Variants in RHOT2 observed in about 807,000 individuals in gnomAD.
RHOT2 encodes ras homolog family member T2.
In RHOT2, 90 loss-of-function variants were observed where a neutral mutation model predicts 81.6. The ratio of observed to expected loss-of-function variants is 1.10; its 90% CI spans 0.93 to 1.31. RHOT2 has a LOEUF of 1.31. Among genes scored for constraint, RHOT2 ranks in the 40% most tolerant of loss-of-function variants. RHOT2 has a pLI of 0.00. For synonymous variants in RHOT2, 512 were observed against 370.9 expected, an observed-to-expected ratio of 1.38 and a Z score of -4.37; for missense variants, 1,014 against 841.9, an observed-to-expected ratio of 1.20 and a Z score of -2.53.
rs749829417 is a variant in RHOT2, at chr16:669,561, G to C, written c.231G>C (p.Val77=). ...ELREEIHKAN[V]VCVVYDVSEE... ...CATCACTGTTCCCTCAGGCAAACGT[G>C]GTGTGTGTGGTGTATGACGTCTCTG... Residue 77 remains valine (V), a synonymous_variant, in exon 5 of 19, where the codon GTG becomes GTC. Coordinates refer to ENST00000315082, the MANE Select transcript of RHOT2 (RefSeq NM_138769.3). The C allele has an allele frequency of 1.2e-6, 2 of 1,611,818 alleles. No homozygotes were observed. The highest frequency in any genetic ancestry group is 1.7e-6 in the Non-Finnish European group (2 of 1,179,696).
intron 18 of RHOT2, 104 bp downstream of exon 18, chr16:673,234 A>T: frequency 2.2e-6 from 3 of 1,375,590 alleles, no homozygotes; most frequent in Non-Finnish European, 3.0e-6. Context: ...AGTGTCTGTC[A>T]TCCGAGCAGT....
rs966671665 is a variant in RHOT2 at position 669,438 on chromosome 16, A to G, written c.223-115A>G. 6 of 1,017,676 alleles carry G rather than the reference A, an allele frequency of 5.9e-6. No homozygotes were observed. In the Admixed American group the frequency reaches 7.9e-5, roughly 13 times the overall value. 63.0% of individuals were successfully genotyped at this position (1,017,676 alleles called of 1,614,324 possible). A position where few individuals can be genotyped will look rare whatever the true frequency, so the allele number is the denominator to read the frequency against. Reference sequence around the variant, plus strand: ...CTTTCCCGGCCTCAGAGCTGCACCCATGCTACCTGTGAGCTTCTGGGGCCT... The same window carrying G: ...CTTTCCCGGCCTCAGAGCTGCACCCGTGCTACCTGTGAGCTTCTGGGGCCT... On this transcript the variant is annotated intron_variant, in intron 4 of 18. Coordinates refer to ENST00000315082, the MANE Select transcript of RHOT2 (RefSeq NM_138769.3).
At position 669,545 on chromosome 16, in the gene RHOT2, T is replaced by C; in HGVS notation, c.223-8T>C. 1 of 1,611,504 alleles carries C rather than the reference T, an allele frequency of 6.2e-7. No individual in the cohort carries two copies. Among genetic ancestry groups the C allele is most frequent in the Admixed American group, 1.7e-5 (1 of 59,984 alleles). On this transcript the variant is annotated splice_region_variant and splice_polypyrimidine_tract_variant and intron_variant, in intron 4 of 18. Transcript: ENST00000315082. ...CCTGTCACCCACACCTCATCACTGT[T>C]CCCTCAGGCAAACGTGGTGTGTGTG... is the stretch of plus-strand genomic sequence containing the variant.
In RHOT2 at chr16:672,577, G is replaced by C. The variant is rs1040781723; in HGVS notation, c.1404+11G>C. On this transcript the variant is annotated intron_variant, in intron 16 of 18. Transcript: ENST00000315082. ...GAGAAGTACTTGATCGTGAGTGCTG[G>C]GGCGGCGCGGCCTGTGCCCGAGGGT... 6.2e-7 allele frequency: 1 copy of C among 1,612,348 alleles called. No individual in the cohort carries two copies. Among genetic ancestry groups the C allele is most frequent in the African/African-American group, 1.3e-5 (1 of 75,048 alleles).
At chr16:671,825 C>CCCGCA in intron 12 of RHOT2, 35 bp from the exon 13 acceptor site, 1 of 1,604,924 alleles carries the variant, frequency 6.2e-7, no homozygotes, top group South Asian at 1.1e-5. Context: ...CGCCCCCTCC[C>CCCGCA]CGGCACACAC....
At chr16:669,246 C>T (rs1444685087) in intron 4 of RHOT2, 12 of 511,998 alleles carry the variant, frequency 2.3e-5, no homozygotes, top group South Asian at 4.3e-5. Context: ...CCCTCTGCTC[C>T]AAGGGTCTTG....
chr16:668,090 G>T (rs1360796366), upstream of RHOT2: 2 of 416,966 alleles, frequency 4.8e-6, no homozygotes, highest in Non-Finnish European at 8.4e-6. Context: ...TGTGGGGACA[G>T]CGCGGGGCCG....
At position 672,761 on chromosome 16, in the gene RHOT2, T is replaced by C; in HGVS notation, c.1463T>C (p.Val488Ala). The C allele has an allele frequency of 6.2e-7, 1 of 1,612,688 alleles. No individual in the cohort carries two copies. Reference sequence around the variant, plus strand: ...ACATCGCTGGACGCCACCTGTGACGTTGCCTGCTTGATGTTTGATGGCAGT... The same window carrying C: ...ACATCGCTGGACGCCACCTGTGACGCTGCCTGCTTGATGTTTGATGGCAGT... ...LATSLDATCD[V>A]ACLMFDGSDP... The change falls in exon 17 of 19, where the codon GTT (valine) becomes GCT (alanine). Residue 488 changes from valine (V) to alanine (A), a missense_variant. Val to Ala is a moderately conservative substitution (Grantham distance 64). Transcript: ENST00000315082.
At position 668,515 on chromosome 16, in the gene RHOT2, A is replaced by G; in HGVS notation, c.124A>G (p.Ile42Val). 1.2e-6 allele frequency: 2 copies of G among 1,608,884 alleles called. No homozygotes were observed. The highest frequency in any genetic ancestry group is 8.5e-7 in the Non-Finnish European group (1 of 1,178,318). The change falls in exon 3 of 19, where the codon ATC becomes GTC. Residue 42 changes from isoleucine (I) to valine (V), a missense_variant. Coordinates refer to ENST00000315082, the MANE Select transcript of RHOT2 (RefSeq NM_138769.3). Reference sequence around the variant, plus strand: ...CCCTCCCCGCGCGGAGGAGATCACCATCCCCGCGGACGTCACCCCGGAGAA... The same window carrying G: ...CCCTCCCCGCGCGGAGGAGATCACCGTCCCCGCGGACGTCACCCCGGAGAA... Reference protein sequence around the residue: ...EVPPRAEEITIPADVTPEKVP... With the variant: ...EVPPRAEEITVPADVTPEKVP...
intron 3 of RHOT2, 32 bp downstream of exon 3, chr16:668,601 C>T (rs1465867564): frequency 1.2e-6 from 2 of 1,609,440 alleles, no homozygotes; most frequent in African/African-American, 1.3e-5. Context: ...GGGCCCGGCC[C>T]GCAGCGGTCC....
Position 669,171 on chromosome 16 carries a change from A to AG in RHOT2, c.223-378dup, listed in dbSNP as rs1370069374. 1.8e-5 allele frequency: 7 copies of AG among 396,462 alleles called. No individual in the cohort carries two copies. In the Admixed American group the frequency reaches 2.8e-4, roughly 16 times the overall value. 24.6% of individuals were successfully genotyped at this position (396,462 alleles called of 1,614,324 possible). A position where few individuals can be genotyped will look rare whatever the true frequency, so the allele number is the denominator to read the frequency against. ...CTCTGTCTGTAGCGAGGGGGGAGGC[A>AG]GGGGCCAAGGCGGCGGCTGTCTTGC... On this transcript the variant is annotated intron_variant, in intron 4 of 18. Transcript: ENST00000315082.
Position 668,240 on chromosome 16 carries a change from G to T in RHOT2, c.37+4G>T. The T allele has an allele frequency of 1.4e-6, 1 of 700,764 alleles. No individual in the cohort carries two copies. Among genetic ancestry groups the T allele is most frequent in the Non-Finnish European group, 2.1e-6 (1 of 469,420 alleles). 43.4% of individuals were successfully genotyped at this position (700,764 alleles called of 1,614,324 possible). ...CGCATCCTGTTACTGGGCGAGGGTA[G>T]GCGCCGGCCCGGGGGTCTCGGAGCT... On this transcript the variant is annotated splice_donor_region_variant and intron_variant, in intron 1 of 18. Transcript: ENST00000315082.
intron 4 of RHOT2, 126 bp downstream of exon 4, chr16:668,825 A>G (rs1461982305): frequency 9.4e-7 from 1 of 1,059,332 alleles, no homozygotes. Flanking sequence ...TGACCTCCGC[A>G]CTGAGGGTTG....
intron 11 of RHOT2, 136 bp downstream of exon 11, chr16:671,339 G>A: frequency 1.5e-6 from 2 of 1,307,202 alleles, no homozygotes; most frequent in Non-Finnish European, 2.1e-6. Context: ...TCGCTCAGCA[G>A]GCCATCTGGG....
At position 673,906 on chromosome 16, in the gene RHOT2, G is replaced by A. The variant is rs1213355837; in HGVS notation, c.*300G>A. 1 of 589,418 alleles carries A rather than the reference G, an allele frequency of 1.7e-6. No individual in the cohort carries two copies. The highest frequency in any genetic ancestry group is 3.6e-5 in the East Asian group (1 of 27,618). The allele number at this position is 589,418 out of a possible 1,614,324, so 36.5% of individuals were successfully genotyped here. A position where few individuals can be genotyped will look rare whatever the true frequency, so the allele number is the denominator to read the frequency against. ...GGCATCATGTGTGTGGGGCCGGGGA[G>A]CACAGGTGTGGGAGCTGGTGACCCC... On this transcript the variant is annotated 3_prime_UTR_variant, in exon 19 of 19. Coordinates refer to ENST00000315082, the MANE Select transcript of RHOT2 (RefSeq NM_138769.3).
rs770484154 is a variant in RHOT2, at chr16:673,429, A to C, written c.1731-51A>C. ...GGACATGGGAGGGTGCCCAGCAGCA[A>C]GCTGGGGGCATGTGCCTGAGGTATC... is the stretch of plus-strand genomic sequence containing the variant. On this transcript the variant is annotated intron_variant, in intron 18 of 18. Transcript: ENST00000315082. The C allele has an allele frequency of 1.9e-6, 3 of 1,609,846 alleles. No individual in the cohort carries two copies. In the African/African-American group the frequency reaches 4.0e-5, roughly 21 times the overall value.
intron 18 of RHOT2, 108 bp downstream of exon 18, chr16:673,238 G>A (rs3752485): frequency 0.13 from 181,607 of 1,348,516 alleles, 14,033 homozygotes; most frequent in East Asian, 0.32. Context: ...TCTGTCATCC[G>A]AGCAGTGGGC....
Position 671,978 on chromosome 16 carries a change from T to C in RHOT2, c.1073T>C (p.Leu358Pro). Residue 358 changes from leucine (L) to proline (P), a missense_variant, in exon 13 of 19, where the codon CTG (leucine) becomes CCG (proline). Coordinates refer to ENST00000315082, the MANE Select transcript of RHOT2 (RefSeq NM_138769.3). ...TVRTEAGRLPLHGYLCQWTLV... is the reference protein window; with the variant it reads ...TVRTEAGRLPPHGYLCQWTLV... ...CGCACAGAGGCCGGCCGGTTGCCCCTGCACGGATACCTCTGCCAGTGGACG... is the reference window on the plus strand; with the variant it reads ...CGCACAGAGGCCGGCCGGTTGCCCCCGCACGGATACCTCTGCCAGTGGACG... 6.2e-7 allele frequency: 1 copy of C among 1,612,130 alleles called. No homozygotes were observed. Among genetic ancestry groups the C allele is most frequent in the East Asian group, 2.2e-5 (1 of 44,872 alleles).
At position 668,247 on chromosome 16, in the gene RHOT2, G is replaced by A; in HGVS notation, c.37+11G>A. ...TGTTACTGGGCGAGGGTAGGCGCCG[G>A]CCCGGGGGTCTCGGAGCTGCGGCGG... On this transcript the variant is annotated intron_variant, in intron 1 of 18. Transcript: ENST00000315082. 1 of 760,810 alleles carries A rather than the reference G, an allele frequency of 1.3e-6. No individual in the cohort carries two copies. The highest frequency in any genetic ancestry group is 3.1e-5 in the East Asian group (1 of 32,222). 47.1% of individuals were successfully genotyped at this position (760,810 alleles called of 1,614,324 possible). A position where few individuals can be genotyped will look rare whatever the true frequency, so the allele number is the denominator to read the frequency against.
Sources: gnomAD v4.1 joint callset for allele counts on GRCh38, gnomAD v4.1.1 for gene constraint, MANE v1.5 for transcripts, NCBI Gene and HGNC (gene_info 2026-07-23, HGNC 2026-07-21) for gene names.